The following UNC13C variants were observed in gnomAD, a reference collection of about 807,000 sequenced individuals.
The protein encoded by UNC13C is protein unc-13 homolog C.
A neutral mutation model predicts 245.4 loss-of-function variants in UNC13C; 174 were observed. The ratio of observed to expected loss-of-function variants is 0.71; its 90% CI spans 0.63 to 0.80. The LOEUF is 0.80. Ranked by LOEUF, UNC13C falls within the 30% of genes least tolerant of loss-of-function variation. The pLI is 0.00. For missense variants in UNC13C, 2,829 were observed against 2,602.9 expected, an observed-to-expected ratio of 1.09 and a Z score of -1.89; for synonymous variants, 992 against 895.1, an observed-to-expected ratio of 1.11 and a Z score of -1.93.
In UNC13C at chr15:54,015,801, G is replaced by A; in HGVS notation, c.2898G>A (p.Lys966=). The change falls in exon 2 of 33, where the codon AAG becomes AAA. Residue 966 remains lysine, a synonymous_variant. Transcript: ENST00000260323. ...PEQPVEITKP[K]RIRPSFKEAA... Reference sequence around the variant, plus strand: ...AGCCAGTGGAGATCACAAAGCCAAAGAGAATTCGTCCTTCTTTCAAAGAAG... The same window carrying A: ...AGCCAGTGGAGATCACAAAGCCAAAAAGAATTCGTCCTTCTTTCAAAGAAG... 1.9e-6 allele frequency: 3 copies of A among 1,611,788 alleles called. No homozygotes were observed. Among genetic ancestry groups the A allele is most frequent in the South Asian group, 1.1e-5 (1 of 90,708 alleles).
chr15:54,357,223 A>G (rs1368977930), intron 17 of UNC13C, among the ~76,000 whole-genome samples: 2 of 152,034 alleles, frequency 1.3e-5, no homozygotes, highest in Non-Finnish European at 2.9e-5. Context: ...ATTTATTTTT[A>G]TATAAATTGT....
chr15:53,990,076 C>A (rs1894316021), intron 1 of UNC13C, among the ~76,000 whole-genome samples: 1 of 151,964 alleles, frequency 6.6e-6, no homozygotes, highest in Non-Finnish European at 1.5e-5. Context: ...GCTAAACGGG[C>A]CATGATAACC....
chr15:53,928,249 A>G, the UNC13C span, among the ~76,000 whole-genome samples: 11 of 152,202 alleles, frequency 7.2e-5, no homozygotes, highest in Admixed American at 2.0e-4. Context: ...GTTTCTATAG[A>G]TATTAAATTA....
chr15:54,333,370 A>G (rs774159248), intron 15 of UNC13C, among the ~76,000 whole-genome samples: 6 of 152,050 alleles, frequency 3.9e-5, no homozygotes, highest in Non-Finnish European at 8.8e-5. Flanking sequence ...CAGCACATGT[A>G]TAATTTCCGA....
chr15:54,111,290 T>C (rs1166629721), intron 2 of UNC13C, among the ~76,000 whole-genome samples: 1 of 152,222 alleles, frequency 6.6e-6, no homozygotes, highest in African/African-American at 2.4e-5. Context: ...CCTAGAACTA[T>C]GTGACCTTGG....
chr15:54,264,115 A>C, intron 8 of UNC13C, 53 bp from the exon 9 acceptor site: 1 of 1,522,722 alleles, frequency 6.6e-7, no homozygotes, highest in Non-Finnish European at 8.9e-7. Context: ...TCCTTTAGCC[A>C]TCAAAAAGTA....
chr15:54,413,628 C>T (rs777776499), intron 18 of UNC13C, among the ~76,000 whole-genome samples: 2 of 152,002 alleles, frequency 1.3e-5, no homozygotes, highest in Admixed American at 6.6e-5. Flanking sequence ...GTTTTAAAAT[C>T]GAATGCCTTA....
intron 17 of UNC13C, among the ~76,000 whole-genome samples, chr15:54,377,433 G>C (rs2039629963): frequency 6.6e-6 from 1 of 152,204 alleles, no homozygotes; most frequent in Non-Finnish European, 1.5e-5. Context: ...AACAGATTAG[G>C]TGAACAGCTA....
intron 4 of UNC13C, among the ~76,000 whole-genome samples, chr15:54,145,259 A>AT (rs769718276): frequency 6.6e-6 from 1 of 152,080 alleles, no homozygotes; most frequent in African/African-American, 2.4e-5. Context: ...TAATACACTC[A>AT]TTTTTTGAAA....
At chr15:54,201,709 A>G (rs1049614915) in intron 4 of UNC13C, among the ~76,000 whole-genome samples, 1 of 152,036 alleles carries the variant, frequency 6.6e-6, no homozygotes, top group Non-Finnish European at 1.5e-5. Context: ...CCAACATTAT[A>G]CTAAATGGGG....
At chr15:54,016,789 G>A (rs939670403) in intron 2 of UNC13C, among the ~76,000 whole-genome samples, 15 of 152,106 alleles carry the variant, frequency 9.9e-5, no homozygotes, top group Non-Finnish European at 2.1e-4. Flanking sequence ...TTTTGGAATA[G>A]TCTGTTACTA....
chr15:54,506,651 C>T (rs1894488709), intron 22 of UNC13C, among the ~76,000 whole-genome samples: 1 of 152,074 alleles, frequency 6.6e-6, no homozygotes, highest in African/African-American at 2.4e-5. Flanking sequence ...AACATCTCTT[C>T]TTCAGCTTAA....
intron 17 of UNC13C, among the ~76,000 whole-genome samples, chr15:54,354,175 T>C (rs2039043857): frequency 6.6e-6 from 1 of 151,770 alleles, no homozygotes; most frequent in African/African-American, 2.4e-5. Context: ...ATGTTTTCAT[T>C]TAGAAAAAAA....
chr15:54,341,243 G>A (rs1289802508), intron 17 of UNC13C, among the ~76,000 whole-genome samples: 1 of 152,070 alleles, frequency 6.6e-6, no homozygotes, highest in Non-Finnish European at 1.5e-5. Flanking sequence ...AAGAAAATGT[G>A]GTATATGCAC....
the UNC13C span, among the ~76,000 whole-genome samples, chr15:53,956,777 T>C: frequency 2.0e-5 from 3 of 151,082 alleles, no homozygotes; most frequent in African/African-American, 7.3e-5. Flanking sequence ...ATGGTGGAAA[T>C]AGAACGGAGA....
chr15:54,038,118 A>ATTTTTTTTTTTTTTTT (rs1297641805), intron 2 of UNC13C, among the ~76,000 whole-genome samples: 2 of 28,798 alleles, frequency 6.9e-5, no homozygotes, highest in African/African-American at 1.3e-4. Flanking sequence ...ATATATATAT[A>ATTTTTTTTTTTTTTTT]TATATATTTT....
intron 2 of UNC13C, among the ~76,000 whole-genome samples, chr15:54,089,832 G>A (rs1250410143): frequency 2.0e-5 from 3 of 152,138 alleles, no homozygotes; most frequent in African/African-American, 7.2e-5. Context: ...GTTACAAGGT[G>A]TCAATACAAT....
At chr15:53,876,694 G>C in the UNC13C span, among the ~76,000 whole-genome samples, 1 of 152,042 alleles carries the variant, frequency 6.6e-6, no homozygotes, top group African/African-American at 2.4e-5. Flanking sequence ...CAAAATGAGG[G>C]CCACAAAGTG....
intron 19 of UNC13C, among the ~76,000 whole-genome samples, chr15:54,490,871 T>G (rs1003625725): frequency 2.6e-5 from 4 of 152,148 alleles, no homozygotes; most frequent in African/African-American, 9.7e-5. Context: ...CATAAATTCC[T>G]CTCTCCCACT....
Sources: gnomAD v4.1 joint callset for allele counts (sites outside exome capture counted in the v4.1 genomes callset) on GRCh38, gnomAD v4.1.1 for gene constraint, MANE v1.5 for transcripts, NCBI Gene and HGNC (gene_info 2026-07-23, HGNC 2026-07-21) for gene names.